PDE3A: variants seen among roughly 807,000 people sequenced by gnomAD.
PDE3A encodes cGMP-inhibited 3',5'-cyclic phosphodiesterase 3A.
Under a neutral mutation model 98.3 loss-of-function variants are expected in PDE3A, and 43 were observed. The ratio of observed to expected loss-of-function variants is 0.44; its 90% CI spans 0.34 to 0.56. The LOEUF is 0.56. PDE3A is among the 20% of genes least tolerant of loss of function. PDE3A has a pLI of 0.01. For missense variants in PDE3A, 1,427 were observed against 1,440.7 expected, an observed-to-expected ratio of 0.99 and a Z score of 0.15; for synonymous variants, 663 against 567.9, an observed-to-expected ratio of 1.17 and a Z score of -2.38.
At chr12:20,468,086 T>C (rs953681377) in intron 1 of PDE3A, among the ~76,000 whole-genome samples, 1 of 151,526 alleles carries the variant, frequency 6.6e-6, no homozygotes, top group Non-Finnish European at 1.5e-5. Context: ...TTTAAACAAA[T>C]TAAATAGCAT....
chr12:20,501,262 A>T (rs766156913), intron 1 of PDE3A, among the ~76,000 whole-genome samples: 1 of 152,196 alleles, frequency 6.6e-6, no homozygotes, highest in Non-Finnish European at 1.5e-5. Context: ...TAAATCAGAA[A>T]AGGGAAAATA....
intron 1 of PDE3A, among the ~76,000 whole-genome samples, chr12:20,377,061 A>C (rs533877360): frequency 6.2e-4 from 94 of 151,844 alleles, no homozygotes; most frequent in African/African-American, 2.2e-3. Flanking sequence ...TTGTTTGCTG[A>C]AGTGTGTGTA....
intron 1 of PDE3A, among the ~76,000 whole-genome samples, chr12:20,537,849 TA>T (rs33973053): frequency 0.077 from 11,095 of 144,792 alleles, 806 homozygotes; most frequent in African/African-American, 0.19. Context: ...CCTTTGTTCT[TA>T]AAAAAAAAAA....
intron 9 of PDE3A, among the ~76,000 whole-genome samples, chr12:20,639,140 T>A (rs1944588582): frequency 6.6e-6 from 1 of 152,084 alleles, no homozygotes; most frequent in Non-Finnish European, 1.5e-5. Flanking sequence ...CATACAGAAT[T>A]TCATTACAGG....
chr12:20,551,592 CG>C (rs1338809123), intron 1 of PDE3A: 10 of 1,549,800 alleles, frequency 6.5e-6, no homozygotes, highest in South Asian at 1.2e-5. Context: ...GCCACCTGTG[CG>C]GGGGCCGGCA....
chr12:20,553,813 C>T lies in PDE3A; in HGVS notation c.961-2847C>T, dbSNP rs532753406. ...TTGATTCGTTCCTTCTTTCTAAAGA[C>T]GACAGTCTTTGTTGTTAGCACTGAA... On this transcript the variant is annotated intron_variant, in intron 1 of 15. Coordinates refer to ENST00000359062, the MANE Select transcript of PDE3A (RefSeq NM_000921.5). 3.8e-3 allele frequency among the ~76,000 whole-genome samples: 575 copies of T among 152,238 alleles called. 2 individuals are homozygous for T. Among genetic ancestry groups the T allele is most frequent in the Non-Finnish European group, 6.3e-3 (426 of 68,018 alleles).
Position 20,372,513 on chromosome 12 carries a change from T to A in PDE3A, c.960+2269T>A, listed in dbSNP as rs979070106. On this transcript the variant is annotated intron_variant, in intron 1 of 15. Coordinates refer to ENST00000359062, the MANE Select transcript of PDE3A (RefSeq NM_000921.5). ...GTGGGTGGAAACTAACACAGTGTAC[T>A]ATCTTATAAGATAGGACAGTATCTC... is the stretch of plus-strand genomic sequence containing the variant. Among the ~76,000 whole-genome samples, 4 of 152,260 alleles carry A rather than the reference T, an allele frequency of 2.6e-5. No homozygotes were observed. In the East Asian group the frequency reaches 5.8e-4, roughly 22 times the overall value.
At chr12:20,502,539 G>T (rs898371729) in intron 1 of PDE3A, among the ~76,000 whole-genome samples, 1 of 152,088 alleles carries the variant, frequency 6.6e-6, no homozygotes, top group African/African-American at 2.4e-5. Flanking sequence ...CCTTACTAGA[G>T]TGTGATCAGG....
intron 8 of PDE3A, among the ~76,000 whole-genome samples, chr12:20,635,626 G>A (rs763808455): frequency 3.1e-4 from 47 of 150,868 alleles, no homozygotes; most frequent in Non-Finnish European, 3.5e-4. Context: ...GGTGGCAGGT[G>A]CCTGTAATCC....
chr12:20,650,317 G>T (rs974581730), intron 13 of PDE3A, 128 bp from the exon 14 acceptor site: 2 of 490,208 alleles, frequency 4.1e-6, no homozygotes, highest in Non-Finnish European at 3.6e-6. Flanking sequence ...GTAGCTAGAG[G>T]TTCCCAATTA....
At chr12:20,398,070 C>A in intron 1 of PDE3A, among the ~76,000 whole-genome samples, 1 of 140,658 alleles carries the variant, frequency 7.1e-6, no homozygotes, top group Non-Finnish European at 1.5e-5. Context: ...TTCGGGAGTA[C>A]TGGCAATCAC....
At chr12:20,564,070 C>T (rs963445169) in intron 2 of PDE3A, among the ~76,000 whole-genome samples, 3 of 152,084 alleles carry the variant, frequency 2.0e-5, no homozygotes, top group Non-Finnish European at 2.9e-5. Context: ...CACACAGTGT[C>T]AAGAGGATGG....
At chr12:20,559,499 TA>T (rs1942458644) in intron 2 of PDE3A, among the ~76,000 whole-genome samples, 1 of 150,196 alleles carries the variant, frequency 6.7e-6, no homozygotes, top group Non-Finnish European at 1.5e-5. Context: ...ATGATAATAA[TA>T]ATAATAATAA....
chr12:20,443,686 G>A (rs1297959465), intron 1 of PDE3A, among the ~76,000 whole-genome samples: 1 of 152,018 alleles, frequency 6.6e-6, no homozygotes, highest in African/African-American at 2.4e-5. Flanking sequence ...AGAGGCATTA[G>A]CATAAATTAA....
intron 2 of PDE3A, 58 bp downstream of exon 2, chr12:20,556,768 G>T: frequency 8.1e-7 from 1 of 1,236,386 alleles, no homozygotes; most frequent in Non-Finnish European, 1.2e-6. Flanking sequence ...TCAGCCACGG[G>T]TTTTCTAAAA....
intron 1 of PDE3A, among the ~76,000 whole-genome samples, chr12:20,495,839 AGTGCCTG>A (rs1945909861): frequency 6.6e-6 from 1 of 152,194 alleles, no homozygotes; most frequent in South Asian, 2.1e-4. Context: ...AATGTAGGAG[AGTGCCTG>A]GTAACTTTTT....
At chr12:20,454,313 C>T (rs565091352) in intron 1 of PDE3A, among the ~76,000 whole-genome samples, 6 of 152,234 alleles carry the variant, frequency 3.9e-5, no homozygotes, top group African/African-American at 1.4e-4. Context: ...CTCATGAATA[C>T]GCTTACCCTC....
chr12:20,519,199 A>C (rs189942297), intron 1 of PDE3A, among the ~76,000 whole-genome samples: 186 of 152,254 alleles, frequency 1.2e-3, no homozygotes, highest in South Asian at 2.3e-3. Flanking sequence ...TTATATTTTG[A>C]AAGTCCCTCT....
intron 2 of PDE3A, among the ~76,000 whole-genome samples, chr12:20,584,454 C>T (rs912328603): frequency 2.0e-5 from 3 of 152,130 alleles, no homozygotes; most frequent in Non-Finnish European, 4.4e-5. Context: ...AGTTTAGTAG[C>T]ATTTTCCCCA....
Sources: allele counts gnomAD v4.1 joint callset (sites outside exome capture counted in the v4.1 genomes callset), GRCh38; gene constraint gnomAD v4.1.1; transcripts MANE v1.5; gene names NCBI Gene and HGNC (gene_info 2026-07-23, HGNC 2026-07-21).